SLC26A7: variants seen among roughly 807,000 people sequenced by gnomAD.
The protein encoded by SLC26A7 is solute carrier family 26 member 7, also known as anion exchange transporter.
In SLC26A7, 59 loss-of-function variants were observed where a neutral mutation model predicts 82.5. That is an observed-to-expected ratio of 0.72 (90% CI 0.58 to 0.89). SLC26A7 has a LOEUF of 0.89. SLC26A7 is among the 40% of genes least tolerant of loss of function. The pLI is 0.00. For synonymous variants in SLC26A7, 271 were observed against 274.3 expected, an observed-to-expected ratio of 0.99 and a Z score of 0.12; for missense variants, 820 against 793.0, an observed-to-expected ratio of 1.03 and a Z score of -0.41.
intron 2 of SLC26A7, among the ~76,000 whole-genome samples, chr8:91,285,810 A>T (rs1023643983): frequency 1.3e-5 from 2 of 152,228 alleles, no homozygotes; most frequent in African/African-American, 4.8e-5. Context: ...TACAATAAAA[A>T]GGTAAGGCTG....
intron 2 of SLC26A7, among the ~76,000 whole-genome samples, chr8:91,263,734 A>T (rs1367608008): frequency 6.6e-6 from 1 of 152,000 alleles, no homozygotes; most frequent in Non-Finnish European, 1.5e-5. Flanking sequence ...TAAGTCTCTT[A>T]TGTGATCCTG....
intron 8 of SLC26A7, 170 bp from the exon 9 acceptor site, chr8:91,343,183 T>C: frequency 1.8e-6 from 1 of 553,060 alleles, no homozygotes; most frequent in South Asian, 2.4e-5. Context: ...TCTTGCTCAT[T>C]GTAAGCACCC....
intron 2 of SLC26A7, among the ~76,000 whole-genome samples, chr8:91,230,640 G>A (rs1810298522): frequency 6.6e-6 from 1 of 152,094 alleles, no homozygotes. Flanking sequence ...CTTTTCAGGG[G>A]GTTACTATAA....
chr8:91,371,771 T>C (rs1303710751), intron 15 of SLC26A7, among the ~76,000 whole-genome samples: 1 of 152,014 alleles, frequency 6.6e-6, no homozygotes, highest in African/African-American at 2.4e-5. Context: ...GGTTGAATGG[T>C]AGTTCTATTT....
rs1563718959 is a variant in SLC26A7, at chr8:91,395,872, A to G, written c.*775A>G. 6.6e-6 allele frequency: 1 copy of G among 152,110 alleles called. No homozygotes were observed. The highest frequency in any genetic ancestry group is 1.5e-5 in the Non-Finnish European group (1 of 67,954). 9.4% of individuals were successfully genotyped at this position (152,110 alleles called of 1,614,324 possible). A position where few individuals can be genotyped will look rare whatever the true frequency, so the allele number is the denominator to read the frequency against. ...CTGTTTTCCACTGAAGCTTTGTTGG[A>G]GAAAGAGAATATGAAAATTACACAT... On this transcript the variant is annotated 3_prime_UTR_variant, in exon 19 of 19. Coordinates refer to ENST00000276609, the MANE Select transcript of SLC26A7 (RefSeq NM_052832.4).
At chr8:91,271,552 C>T (rs1330196218) in intron 2 of SLC26A7, among the ~76,000 whole-genome samples, 3 of 150,690 alleles carry the variant, frequency 2.0e-5, no homozygotes, top group Admixed American at 2.0e-4. Context: ...AATTCTTGTC[C>T]TCTGCTGCTT....
intron 2 of SLC26A7, among the ~76,000 whole-genome samples, chr8:91,271,314 A>G (rs1811260734): frequency 6.6e-6 from 1 of 152,178 alleles, no homozygotes; most frequent in Non-Finnish European, 1.5e-5. Flanking sequence ...TCTTGTATAC[A>G]CCATGAAAGC....
Position 91,249,816 on chromosome 8 carries a change from A to G in SLC26A7, c.165A>G (p.Ile55Met), listed in dbSNP as rs779916432. The change falls in exon 2 of 19, where the codon ATA becomes ATG. Residue 55 changes from isoleucine to methionine, a missense_variant. Physicochemically the swap from Ile to Met is conservative, Grantham distance 10 (BLOSUM62 1). Coordinates refer to ENST00000276609, the MANE Select transcript of SLC26A7 (RefSeq NM_052832.4). ...TGCTTCCAGACACTGTGTCTGGGAT[A>G]ATGTTGGCAGTTCAACAGGTGACCC... ...ENLLPDTVSGIMLAVQQVTQG... is the reference protein window; with the variant it reads ...ENLLPDTVSGMMLAVQQVTQG... The G allele has an allele frequency of 6.2e-7, 1 of 1,607,164 alleles. No homozygotes were observed. The highest frequency in any genetic ancestry group is 1.1e-5 in the South Asian group (1 of 89,530).
At chr8:91,324,509 A>G (rs1247700251) in intron 5 of SLC26A7, among the ~76,000 whole-genome samples, 3 of 152,224 alleles carry the variant, frequency 2.0e-5, no homozygotes, top group Non-Finnish European at 2.9e-5. Context: ...GGGGGATTTT[A>G]CAAGCTACAC....
intron 8 of SLC26A7, among the ~76,000 whole-genome samples, chr8:91,341,527 T>A (rs1813413384): frequency 6.6e-6 from 1 of 152,222 alleles, no homozygotes; most frequent in Admixed American, 6.5e-5. Context: ...ACCTTAATCT[T>A]CTCTGTGCAC....
At chr8:91,242,517 A>G (rs1810488259) in intron 2 of SLC26A7, among the ~76,000 whole-genome samples, 1 of 152,176 alleles carries the variant, frequency 6.6e-6, no homozygotes, top group African/African-American at 2.4e-5. Context: ...AGTGTGATGG[A>G]ATCTAGAGAC....
chr8:91,311,971 G>A (rs1812501370), intron 4 of SLC26A7, among the ~76,000 whole-genome samples: 1 of 152,172 alleles, frequency 6.6e-6, no homozygotes, highest in Non-Finnish European at 1.5e-5. Flanking sequence ...TTTCTTGCAT[G>A]ACTCAGTTTT....
upstream of SLC26A7, among the ~76,000 whole-genome samples, chr8:91,246,710 A>G (rs1342281467): frequency 1.3e-5 from 2 of 151,950 alleles, no homozygotes; most frequent in African/African-American, 4.8e-5. Flanking sequence ...TAAAAAAAAA[A>G]AAAAACAAAA....
At chr8:91,357,042 A>T (rs1245931184) in intron 11 of SLC26A7, among the ~76,000 whole-genome samples, 1 of 152,112 alleles carries the variant, frequency 6.6e-6, no homozygotes, top group Non-Finnish European at 1.5e-5. Flanking sequence ...TCCTGCAGTT[A>T]CCTTTACTTA....
intron 9 of SLC26A7, chr8:91,348,267 A>G (rs1815699357): frequency 2.2e-6 from 2 of 919,932 alleles, no homozygotes; most frequent in African/African-American, 3.6e-5. Context: ...GCCCTTTCCC[A>G]TCTCTTTTGC....
At chr8:91,356,699 A>G (rs925299562) in intron 11 of SLC26A7, among the ~76,000 whole-genome samples, 1 of 152,152 alleles carries the variant, frequency 6.6e-6, no homozygotes, top group African/African-American at 2.4e-5. Context: ...CTCTGATGGT[A>G]GTTTCTTTTG....
intron 5 of SLC26A7, among the ~76,000 whole-genome samples, chr8:91,320,078 T>A (rs1374154441): frequency 6.6e-6 from 1 of 152,172 alleles, no homozygotes; most frequent in Non-Finnish European, 1.5e-5. Flanking sequence ...GTTTCTTTTT[T>A]TTCTTGGGAC....
chr8:91,393,719 TTTC>T, intron 16 of SLC26A7, 75 bp from the exon 17 acceptor site: 2 of 1,484,736 alleles, frequency 1.3e-6, no homozygotes, highest in Non-Finnish European at 1.9e-6. Context: ...GAAAGTTTGA[TTTC>T]TTCTGAAGCC....
chr8:91,278,523 C>T (rs552706169), intron 2 of SLC26A7, among the ~76,000 whole-genome samples: 211 of 152,014 alleles, frequency 1.4e-3, no homozygotes, highest in Non-Finnish European at 2.2e-3. Context: ...AAGTATATCA[C>T]GAAATTAATG....
Sources: allele counts gnomAD v4.1 joint callset (sites outside exome capture counted in the v4.1 genomes callset), GRCh38; gene constraint gnomAD v4.1.1; transcripts MANE v1.5; gene names NCBI Gene and HGNC (gene_info 2026-07-23, HGNC 2026-07-21).